The following IDH2 variants were observed in gnomAD, a reference collection of about 807,000 sequenced individuals.
IDH2 encodes isocitrate dehydrogenase (NADP(+)) 2, also known as isocitrate dehydrogenase [NADP], mitochondrial.
IDH2 carries 18 observed loss-of-function variants against 50.5 expected under a neutral mutation model. That is an observed-to-expected ratio of 0.36 (90% confidence interval 0.25 to 0.53). The LOEUF (loss-of-function observed/expected upper bound fraction) is 0.53. Ranked by LOEUF, IDH2 falls within the 20% of genes least tolerant of loss-of-function variation. The pLI is 0.92. For synonymous variants in IDH2, 280 were observed against 239.8 expected, an observed-to-expected ratio of 1.17 and a Z score of -1.55; for missense variants, 518 against 610.7, an observed-to-expected ratio of 0.85 and a Z score of 1.60.
chr15:90,091,628 G>T lies in IDH2; in HGVS notation c.132C>A (p.Ile44=), dbSNP rs759154214. 6 of 1,614,008 alleles carry T rather than the reference G, an allele frequency of 3.7e-6. No individual in the cohort carries two copies. Among genetic ancestry groups the T allele is most frequent in the Non-Finnish European group, 5.1e-6 (6 of 1,179,944 alleles). ...QPRRHYADKR[I]KVAKPVVEMD... ...TCTCCACCACGGGCTTCGCCACCTTGATCCTTTTGTCGGCATCTAGAAGCA... is the reference window on the plus strand; with the variant it reads ...TCTCCACCACGGGCTTCGCCACCTTTATCCTTTTGTCGGCATCTAGAAGCA... Residue 44 remains isoleucine, a synonymous_variant, in exon 2 of 11, where the codon ATC becomes ATA. Transcript: ENST00000330062.
In IDH2 at chr15:90,083,990, C is replaced by A; in HGVS notation, c.*276G>T. On this transcript the variant is annotated 3_prime_UTR_variant, in exon 11 of 11. Transcript: ENST00000330062. ...ACACAGCAGACAATTTTGTGAAGAGCTTTTTAGTAGCTAAATATGGCACCA... is the reference window on the plus strand; with the variant it reads ...ACACAGCAGACAATTTTGTGAAGAGATTTTTAGTAGCTAAATATGGCACCA... 1 of 521,796 alleles carries A rather than the reference C, an allele frequency of 1.9e-6. No homozygotes were observed. Among genetic ancestry groups the A allele is most frequent in the Non-Finnish European group, 3.5e-6 (1 of 286,296 alleles). 32.3% of individuals were successfully genotyped at this position (521,796 alleles called of 1,614,324 possible).
chr15:90,087,027 T>C, intron 7 of IDH2, 85 bp downstream of exon 7: 1 of 1,486,678 alleles, frequency 6.7e-7, no homozygotes, highest in Non-Finnish European at 9.4e-7. Flanking sequence ...CCACTAGAGT[T>C]TTCTACCAAA....
Position 90,087,514 on chromosome 15 carries a change from T to A in IDH2, c.740A>T (p.Tyr247Phe). Reference sequence around the variant, plus strand: ...CAGTATGGTGTTCTTGGTGCTCATGTACAGCGGCCATTTCTTCTGGATGGC... The same window carrying A: ...CAGTATGGTGTTCTTGGTGCTCATGAACAGCGGCCATTTCTTCTGGATGGC... The part of the protein sequence containing the change: ...QYAIQKKWPL[Y>F]MSTKNTILKA... Residue 247 changes from tyrosine to phenylalanine, a missense_variant, in exon 6 of 11, where the codon TAC becomes TTC. This residue lies in a region of IDH2 where 207 missense variants were observed against 208.6 expected (regional missense o/e 0.99). Coordinates refer to ENST00000330062, the MANE Select transcript of IDH2 (RefSeq NM_002168.4). 6.2e-7 allele frequency: 1 copy of A among 1,614,190 alleles called. No homozygotes were observed. The highest frequency in any genetic ancestry group is 8.5e-7 in the Non-Finnish European group (1 of 1,180,038).
rs116105483 is a variant in IDH2, at chr15:90,091,909, T to A, written c.116-265A>T. Among the ~76,000 whole-genome samples, 597 of 152,260 alleles carry A rather than the reference T, an allele frequency of 3.9e-3. 5 individuals carry two copies. The highest frequency in any genetic ancestry group is 0.014 in the African/African-American group (573 of 41,544). The stretch of plus-strand genomic sequence containing the variant: ...GCCTTTAGTGCAGGTCCACGGACTG[T>A]TGGGAACTGGGCCACACAGCAGGAG... On this transcript the variant is annotated intron_variant, in intron 1 of 10. Coordinates refer to ENST00000330062, the MANE Select transcript of IDH2 (RefSeq NM_002168.4).
intron 1 of IDH2, among the ~76,000 whole-genome samples, chr15:90,101,173 C>A (rs971074206): frequency 2.6e-5 from 4 of 151,924 alleles, no homozygotes; most frequent in East Asian, 1.9e-4. Context: ...GCCTCCCTAC[C>A]CCCCCGGCTC....
At chr15:90,091,937 G>C (rs959430109) in intron 1 of IDH2, among the ~76,000 whole-genome samples, 4 of 152,368 alleles carry the variant, frequency 2.6e-5, no homozygotes, top group African/African-American at 9.6e-5. Flanking sequence ...AGCAGGAGGA[G>C]AGCTGCAGGT....
intron 1 of IDH2, among the ~76,000 whole-genome samples, chr15:90,097,181 C>T (rs1901204915): frequency 6.6e-6 from 1 of 152,322 alleles, no homozygotes; most frequent in South Asian, 2.1e-4. Context: ...CAGTTACCCA[C>T]AGTCAACCAT....
chr15:90,095,551 C>T (rs1407549820), intron 1 of IDH2, among the ~76,000 whole-genome samples: 2 of 151,972 alleles, frequency 1.3e-5, no homozygotes, highest in Non-Finnish European at 2.9e-5. Context: ...CAGGTTTCAG[C>T]CTCAGCCTGG....
intron 3 of IDH2, among the ~76,000 whole-genome samples, chr15:90,088,966 G>A (rs1365730288): frequency 6.9e-6 from 1 of 145,042 alleles, no homozygotes; most frequent in East Asian, 2.0e-4. Flanking sequence ...CCAGGCTGGA[G>A]TGCAATGGCG....
Position 90,087,228 on chromosome 15 carries a change from C to G in IDH2, c.851G>C (p.Trp284Ser), listed in dbSNP as rs772355218. The change falls in exon 7 of 11, where the codon TGG becomes TCG. Residue 284 changes from tryptophan (W) to serine (S), a missense_variant. Trp to Ser is a radical substitution (Grantham distance 177). Transcript: ENST00000330062. Reference sequence around the variant, plus strand: ...GTCATCAATGAGCCGGTGCTCATACCAGATCTTATTCTTGTCGAAGTCGGT... The same window carrying G: ...GTCATCAATGAGCCGGTGCTCATACGAGATCTTATTCTTGTCGAAGTCGGT... ...YKTDFDKNKI[W>S]YEHRLIDDMV... is the part of the protein sequence containing the mutation. 1 of 1,613,994 alleles carries G rather than the reference C, an allele frequency of 6.2e-7. No individual in the cohort carries two copies. Among genetic ancestry groups the G allele is most frequent in the Non-Finnish European group, 8.5e-7 (1 of 1,180,032 alleles).
Position 90,089,899 on chromosome 15 carries a change from G to T in IDH2, c.373+580C>A, listed in dbSNP as rs1434010383. Reference sequence around the variant, plus strand: ...ATGGGGACAGAGGCAGACCTGCAAGGCCAAGCCAGTGGCAGGAGGGCAACA... The same window carrying T: ...ATGGGGACAGAGGCAGACCTGCAAGTCCAAGCCAGTGGCAGGAGGGCAACA... On this transcript the variant is annotated intron_variant, in intron 3 of 10. Coordinates refer to ENST00000330062, the MANE Select transcript of IDH2 (RefSeq NM_002168.4). Among the ~76,000 whole-genome samples the T allele has an allele frequency of 5.9e-5, 9 of 152,296 alleles. No homozygotes were observed. The South Asian group carries it at 1.4e-3, about 25-fold the overall frequency.
At position 90,084,991 on chromosome 15, in the gene IDH2, C is replaced by A; in HGVS notation, c.1178+10G>T. ...TCCTGGGCAGCTCCGGCCTCTCCCT[C>A]CATGCTCACCTGATGAGGTCTTGGT... is the stretch of plus-strand genomic sequence containing the variant. On this transcript the variant is annotated intron_variant, in intron 9 of 10. Transcript: ENST00000330062. The surrounding 1 kb of genome is among the most constrained non-coding windows in gnomAD (Gnocchi z 5.0). 1.2e-6 allele frequency: 2 copies of A among 1,613,616 alleles called. No homozygotes were observed. The highest frequency in any genetic ancestry group is 1.7e-6 in the Non-Finnish European group (2 of 1,179,694).
Position 90,088,005 on chromosome 15 carries a change from T to G in IDH2, c.678+354A>C, listed in dbSNP as rs895162257. Among the ~76,000 whole-genome samples, 10 of 152,072 alleles carry G rather than the reference T, an allele frequency of 6.6e-5. No homozygotes were observed. The East Asian group carries it at 7.7e-4, about 12-fold the overall frequency. On this transcript the variant is annotated intron_variant, in intron 5 of 10. Coordinates refer to ENST00000330062, the MANE Select transcript of IDH2 (RefSeq NM_002168.4). ...ATGTGACTCAGCCTGGCATTGGAGC[T>G]GGAACTGGGGATAAAGAGGCATTCT...
rs147765520 is a variant in IDH2, at chr15:90,084,878, C to T, written c.1209G>A (p.Val403=). ...RFAQMLEKVC[V]ETVESGAMTK... ...TCATGGCTCCACTCTCCACCGTCTC[C>T]ACGCACACCTTCTCCAGCATCTGGG... is the stretch of plus-strand genomic sequence containing the variant. Residue 403 remains valine (V), a synonymous_variant, in exon 10 of 11, where the codon GTG becomes GTA. Transcript: ENST00000330062. The surrounding 1 kb of genome is among the most constrained non-coding windows in gnomAD (Gnocchi z 5.0). The T allele has an allele frequency of 5.6e-6, 9 of 1,614,102 alleles. No homozygotes were observed. Among genetic ancestry groups the T allele is most frequent in the Admixed American group, 1.7e-5 (1 of 60,022 alleles).
Position 90,098,511 on chromosome 15 carries a change from T to TATGTATGTATGTATGC in IDH2, c.115+3749_115+3764dup, listed in dbSNP as rs1555462224. On this transcript the variant is annotated intron_variant, in intron 1 of 10. Coordinates refer to ENST00000330062, the MANE Select transcript of IDH2 (RefSeq NM_002168.4). The surrounding 1 kb of genome is among the most constrained non-coding windows in gnomAD (Gnocchi z 5.1). ...AGCAACTTTGTATATTTTATGTATGTATGTATGTATGTATGCATGCATGTA... is the reference window on the plus strand; with the variant it reads ...AGCAACTTTGTATATTTTATGTATGTATGTATGTATGTATGCATGTATGTATGTATGCATGCATGTA... Among the ~76,000 whole-genome samples, 10 of 139,758 alleles carry TATGTATGTATGTATGC rather than the reference T, an allele frequency of 7.2e-5. No individual in the cohort carries two copies. Among genetic ancestry groups the TATGTATGTATGTATGC allele is most frequent in the Non-Finnish European group, 1.4e-4 (9 of 62,852 alleles). The allele number at this position is 139,758 out of a possible 152,430, so 91.7% of individuals were successfully genotyped here. A position where few individuals can be genotyped will look rare whatever the true frequency, so the allele number is the denominator to read the frequency against.
chr15:90,088,883 T>C lies in IDH2; in HGVS notation c.374-136A>G, dbSNP rs944864161. On this transcript the variant is annotated intron_variant, in intron 3 of 10. Coordinates refer to ENST00000330062, the MANE Select transcript of IDH2 (RefSeq NM_002168.4). ...AAGGCAGTAGAGTCTAGAGTGCAAA[T>C]GTGTGGGCTCTGGAGTCTGCCAATT... 6.3e-5 allele frequency: 53 copies of C among 846,482 alleles called. 1 individual carries two copies. The Middle Eastern group carries it at 9.9e-4, about 16-fold the overall frequency. The allele number at this position is 846,482 out of a possible 1,614,324, so 52.4% of individuals were successfully genotyped here. A position where few individuals can be genotyped will look rare whatever the true frequency, so the allele number is the denominator to read the frequency against.
In IDH2 at chr15:90,083,129, T is replaced by TA. The variant is rs1196447341; in HGVS notation, c.*1136_*1137insT. 16 of 115,090 alleles carry TA rather than the reference T, an allele frequency of 1.4e-4. No homozygotes were observed. Among genetic ancestry groups the TA allele is most frequent in the Non-Finnish European group, 1.8e-5 (1 of 55,674 alleles). The allele number at this position is 115,090 out of a possible 1,614,324, so 7.1% of individuals were successfully genotyped here. The stretch of plus-strand genomic sequence containing the variant: ...AACTTGCATAGAGCAATTTTTTTTT[T>TA]TTTTTTTTTTTTTTTTTTTTTGAGA... On this transcript the variant is annotated 3_prime_UTR_variant, in exon 11 of 11. Transcript: ENST00000330062.
At chr15:90,095,761 G>A (rs1288936224) in intron 1 of IDH2, among the ~76,000 whole-genome samples, 1 of 152,224 alleles carries the variant, frequency 6.6e-6, no homozygotes, top group Admixed American at 6.5e-5. Flanking sequence ...CAGTGAATGT[G>A]GAAGGGGAAA....
Position 90,087,582 on chromosome 15 carries a change from G to A in IDH2, c.679-7C>T, listed in dbSNP as rs752232116. On this transcript the variant is annotated splice_region_variant and splice_polypyrimidine_tract_variant and intron_variant, in intron 5 of 10. Transcript: ENST00000330062. Reference sequence around the variant, plus strand: ...GCGCAAAACCTGAGATGGACTGCAGGGGGAGAGACAGGGCCCTGGCGTGGT... The same window carrying A: ...GCGCAAAACCTGAGATGGACTGCAGAGGGAGAGACAGGGCCCTGGCGTGGT... The A allele has an allele frequency of 1.2e-6, 2 of 1,612,916 alleles. No individual in the cohort carries two copies. The highest frequency in any genetic ancestry group is 8.5e-7 in the Non-Finnish European group (1 of 1,180,028).
Sources: allele counts gnomAD v4.1 joint callset (sites outside exome capture counted in the v4.1 genomes callset), GRCh38; gene constraint gnomAD v4.1.1; regional missense constraint gnomAD v4.1.1; non-coding constraint Gnocchi (gnomAD v3.1); transcripts MANE v1.5; gene names NCBI Gene and HGNC (gene_info 2026-07-23, HGNC 2026-07-21).